The following CSTF1 variants were observed in gnomAD, a reference collection of about 807,000 sequenced individuals.
CSTF1 encodes the protein cleavage stimulation factor subunit 1.
A neutral mutation model predicts 40.9 loss-of-function variants in CSTF1; 2 were observed. The observed-to-expected ratio is 0.05, with a 90% CI of 0.02 to 0.15. CSTF1 has a LOEUF of 0.15. Ranked by LOEUF, CSTF1 falls within the 10% of genes least tolerant of loss-of-function variation. The pLI is 1.00. For synonymous variants in CSTF1, 218 were observed against 207.2 expected (o/e 1.05, Z -0.45); for missense variants, 279 against 558.9 (o/e 0.50, Z 5.05).
At chr20:56,398,063 T>C (rs981093822) in intron 4 of CSTF1, among the ~76,000 whole-genome samples, 1 of 152,222 alleles carries the variant, frequency 6.6e-6, no homozygotes, top group African/African-American at 2.4e-5. Context: ...TCTGACCCTT[T>C]GGAGGGTTTG....
At chr20:56,403,137 AC>A (rs1280666520) in intron 5 of CSTF1, among the ~76,000 whole-genome samples, 3 of 151,966 alleles carry the variant, frequency 2.0e-5, no homozygotes, top group Non-Finnish European at 4.4e-5. Flanking sequence ...GTACATTAGG[AC>A]AGTAACAGTA....
rs1978648492 is a variant in CSTF1 at position 56,405,060 on chromosome 20, G to A, written c.*1333G>A. The A allele has an allele frequency of 6.6e-6, 1 of 151,684 alleles. No individual in the cohort carries two copies. Among genetic ancestry groups the A allele is most frequent in the South Asian group, 2.1e-4 (1 of 4,802 alleles). The allele number at this position is 151,684 out of a possible 1,614,324, so 9.4% of individuals were successfully genotyped here. A position where few individuals can be genotyped will look rare whatever the true frequency, so the allele number is the denominator to read the frequency against. On this transcript the variant is annotated 3_prime_UTR_variant, in exon 6 of 6. Transcript: ENST00000217109. ...CTCCCCTTGTACAAACATAAACTTT[G>A]CTTTATATTTATCCCAAAAAACAAA...
rs544583185 is a variant in CSTF1 at position 56,398,470 on chromosome 20, G to A, written c.646-497G>A. ...CGATAGTCCCAGCTACTCAGGAGGCGGAGGCAAGGATGATCATTTGAGCCC... is the reference window on the plus strand; with the variant it reads ...CGATAGTCCCAGCTACTCAGGAGGCAGAGGCAAGGATGATCATTTGAGCCC... On this transcript the variant is annotated intron_variant, in intron 4 of 5. Transcript: ENST00000217109. Among the ~76,000 whole-genome samples, 168 of 152,332 alleles carry A rather than the reference G, an allele frequency of 1.1e-3. 1 individual carries two copies. Among genetic ancestry groups the A allele is most frequent in the African/African-American group, 2.9e-3 (121 of 41,576 alleles).
rs1430861890 is a variant in CSTF1, at chr20:56,403,493, G to A, written c.1062G>A (p.Val354=). 3 of 1,614,098 alleles carry A rather than the reference G, an allele frequency of 1.9e-6. No homozygotes were observed. The highest frequency in any genetic ancestry group is 1.1e-5 in the South Asian group (1 of 91,084). The change falls in exon 6 of 6, where the codon GTG becomes GTA. Residue 354 remains valine (V), a synonymous_variant. Coordinates refer to ENST00000217109, the MANE Select transcript of CSTF1 (RefSeq NM_001324.3). The part of the protein sequence containing the change: ...YTGAGLSGRQ[V]HRTQAVFNHT... Reference sequence around the variant, plus strand: ...GCGCGGGTTTAAGTGGACGCCAGGTGCACCGGACACAGGCTGTGTTTAACC... The same window carrying A: ...GCGCGGGTTTAAGTGGACGCCAGGTACACCGGACACAGGCTGTGTTTAACC...
chr20:56,397,638 G>A lies in CSTF1; in HGVS notation c.448-6G>A, dbSNP rs1193061105. The stretch of plus-strand genomic sequence containing the variant: ...GTGCCTTGAGCATCTCTTCTTGTTG[G>A]TCTAGGTCATGATGAATGAGACCGC... On this transcript the variant is annotated splice_polypyrimidine_tract_variant and splice_region_variant and intron_variant, in intron 3 of 5. Transcript: ENST00000217109. This position sits in a 1 kb window ranked among gnomAD's most constrained non-coding sequence, Gnocchi z 4.4. The A allele has an allele frequency of 8.7e-6, 14 of 1,613,658 alleles. No individual in the cohort carries two copies. Among genetic ancestry groups the A allele is most frequent in the Non-Finnish European group, 1.2e-5 (14 of 1,179,700 alleles).
At chr20:56,402,542 C>T (rs2426623) in intron 5 of CSTF1, among the ~76,000 whole-genome samples, 127,510 of 152,154 alleles carry the variant, frequency 0.84, 55,471 homozygotes, top group Non-Finnish European at 0.95. Flanking sequence ...GTAATTCTGT[C>T]TCTAGGAATT....
In CSTF1 at chr20:56,392,676, C is replaced by T. The variant is rs996925705; in HGVS notation, c.-70C>T. The stretch of plus-strand genomic sequence containing the variant: ...GGCAGGATTCGCGCCTCCATTTTTC[C>T]AGGAGAGAGCGGGATACCAAGAGAA... On this transcript the variant is annotated 5_prime_UTR_variant, in exon 1 of 6. Coordinates refer to ENST00000217109, the MANE Select transcript of CSTF1 (RefSeq NM_001324.3). 1 of 152,222 alleles carries T rather than the reference C, an allele frequency of 6.6e-6. No homozygotes were observed. The highest frequency in any genetic ancestry group is 1.5e-5 in the Non-Finnish European group (1 of 68,054). The allele number at this position is 152,222 out of a possible 1,614,324, so 9.4% of individuals were successfully genotyped here.
chr20:56,399,467 C>G lies in CSTF1; in HGVS notation c.1036+110C>G. 8 of 979,262 alleles carry G rather than the reference C, an allele frequency of 8.2e-6. No homozygotes were observed. Among genetic ancestry groups the G allele is most frequent in the Non-Finnish European group, 1.1e-5 (7 of 662,770 alleles). 60.7% of individuals were successfully genotyped at this position (979,262 alleles called of 1,614,324 possible). A position where few individuals can be genotyped will look rare whatever the true frequency, so the allele number is the denominator to read the frequency against. On this transcript the variant is annotated intron_variant, in intron 5 of 5. Transcript: ENST00000217109. This position sits in a 1 kb window ranked among gnomAD's most constrained non-coding sequence, Gnocchi z 4.6. ...CACAATATCTATGCATTGAGCAAGG[C>G]AGATGTTACCCTTTCTTAGATAAGA...
In CSTF1 at chr20:56,399,612, A is replaced by G. The variant is rs1469481645; in HGVS notation, c.1036+255A>G. 3.3e-5 allele frequency among the ~76,000 whole-genome samples: 5 copies of G among 152,222 alleles called. No homozygotes were observed. Among genetic ancestry groups the G allele is most frequent in the Admixed American group, 3.3e-4 (5 of 15,290 alleles). On this transcript the variant is annotated intron_variant, in intron 5 of 5. Coordinates refer to ENST00000217109, the MANE Select transcript of CSTF1 (RefSeq NM_001324.3). The surrounding 1 kb of genome is among the most constrained non-coding windows in gnomAD (Gnocchi z 4.6). ...GTGGACTAGGGCTGGATTCCATGCA[A>G]GTAACATTTGAGAACCTGGTGATCC...
At chr20:56,403,379 G>A (rs1978555684) in intron 5 of CSTF1, 89 bp from the exon 6 acceptor site, 4 of 1,504,370 alleles carry the variant, frequency 2.7e-6, no homozygotes, top group Non-Finnish European at 3.7e-6. Context: ...ACTGCAACAG[G>A]TTTAAAATGC....
intron 5 of CSTF1, among the ~76,000 whole-genome samples, chr20:56,401,524 G>C (rs1172613249): frequency 2.6e-5 from 4 of 152,112 alleles, no homozygotes; most frequent in Non-Finnish European, 4.4e-5. Context: ...TTAAATACAC[G>C]CTTTTTGACC....
Position 56,399,207 on chromosome 20 carries a change from T to C in CSTF1, c.886T>C (p.Cys296Arg). 6.2e-7 allele frequency: 1 copy of C among 1,614,256 alleles called. No individual in the cohort carries two copies. The highest frequency in any genetic ancestry group is 8.5e-7 in the Non-Finnish European group (1 of 1,180,042). Residue 296 changes from cysteine to arginine, a missense_variant, in exon 5 of 6, where the codon TGC (cysteine) becomes CGC (arginine). By Grantham distance (180) the Cys-to-Arg change is radical. Transcript: ENST00000217109. The surrounding 1 kb of genome is among the most constrained non-coding windows in gnomAD (Gnocchi z 4.6). The part of the protein sequence containing the change: ...IKLWDGVSNR[C>R]ITTFEKAHDG... Reference sequence around the variant, plus strand: ...ATTATGGGATGGTGTTTCAAATCGATGCATCACAACTTTTGAGAAAGCACA... The same window carrying C: ...ATTATGGGATGGTGTTTCAAATCGACGCATCACAACTTTTGAGAAAGCACA...
chr20:56,403,832 C>T lies in CSTF1; in HGVS notation c.*105C>T. 1 of 1,048,350 alleles carries T rather than the reference C, an allele frequency of 9.5e-7. No homozygotes were observed. 64.9% of individuals were successfully genotyped at this position (1,048,350 alleles called of 1,614,324 possible). On this transcript the variant is annotated 3_prime_UTR_variant, in exon 6 of 6. Coordinates refer to ENST00000217109, the MANE Select transcript of CSTF1 (RefSeq NM_001324.3). The stretch of plus-strand genomic sequence containing the variant: ...GTGCACCATCCTTGACGTTTTGCTG[C>T]CACCTCTGTCCACATTCTTCTTGGA...
In CSTF1 at chr20:56,396,229, G is replaced by C. The variant is rs573094220; in HGVS notation, c.169+508G>C. On this transcript the variant is annotated intron_variant, in intron 2 of 5. Transcript: ENST00000217109. ...CAAGTTGAGTAAGGATCAGGACCTT[G>C]TATTATTCAGCAGTATATCCTGGAG... Among the ~76,000 whole-genome samples the C allele has an allele frequency of 2.0e-5, 3 of 152,286 alleles. No homozygotes were observed. The South Asian group carries it at 6.2e-4, about 32-fold the overall frequency.
At chr20:56,396,632 T>G (rs1987526539) in intron 2 of CSTF1, among the ~76,000 whole-genome samples, 1 of 152,198 alleles carries the variant, frequency 6.6e-6, no homozygotes, top group African/African-American at 2.4e-5. Flanking sequence ...GGTGGTAAAA[T>G]TCAAGGTCAT....
intron 2 of CSTF1, among the ~76,000 whole-genome samples, chr20:56,396,284 A>G (rs987611416): frequency 3.3e-5 from 5 of 152,226 alleles, no homozygotes; most frequent in Admixed American, 1.3e-4. Context: ...AAAGCACTCA[A>G]TAAAATATTG....
At position 56,405,496 on chromosome 20, in the gene CSTF1, A is replaced by G. The variant is rs1440945456; in HGVS notation, c.*1769A>G. On this transcript the variant is annotated 3_prime_UTR_variant, in exon 6 of 6. Coordinates refer to ENST00000217109, the MANE Select transcript of CSTF1 (RefSeq NM_001324.3). ...AGTGCTAGGATTACAGGCGTGAGCC[A>G]CCACGCGCGGCCCCATCATACGAAG... 1 of 152,266 alleles carries G rather than the reference A, an allele frequency of 6.6e-6. No homozygotes were observed. The highest frequency in any genetic ancestry group is 1.5e-5 in the Non-Finnish European group (1 of 68,056). The allele number at this position is 152,266 out of a possible 1,614,324, so 9.4% of individuals were successfully genotyped here. A position where few individuals can be genotyped will look rare whatever the true frequency, so the allele number is the denominator to read the frequency against.
chr20:56,395,499 C>T (rs1433015844), intron 1 of CSTF1, 22 bp from the exon 2 acceptor site: 35 of 1,531,402 alleles, frequency 2.3e-5, no homozygotes, highest in South Asian at 1.2e-4. Context: ...TACCCTTCAC[C>T]GTCCATTTTC....
chr20:56,404,434 T>G lies in CSTF1; in HGVS notation c.*707T>G, dbSNP rs1461279400. The G allele has an allele frequency of 1.3e-5, 2 of 152,176 alleles. No homozygotes were observed. The highest frequency in any genetic ancestry group is 4.8e-5 in the African/African-American group (2 of 41,430). 9.4% of individuals were successfully genotyped at this position (152,176 alleles called of 1,614,324 possible). Reference sequence around the variant, plus strand: ...TTCATGAGAAACAATTGAAAATATATCCGATCTAATTAAATTAGGTCAGCC... The same window carrying G: ...TTCATGAGAAACAATTGAAAATATAGCCGATCTAATTAAATTAGGTCAGCC... On this transcript the variant is annotated 3_prime_UTR_variant, in exon 6 of 6. Coordinates refer to ENST00000217109, the MANE Select transcript of CSTF1 (RefSeq NM_001324.3).
Sources: gnomAD v4.1 joint callset for allele counts (sites outside exome capture counted in the v4.1 genomes callset) on GRCh38, gnomAD v4.1.1 for gene constraint, Gnocchi (gnomAD v3.1) non-coding constraint, MANE v1.5 for transcripts, NCBI Gene and HGNC (gene_info 2026-07-23, HGNC 2026-07-21) for gene names.